Variants in FAM83A observed in about 807,000 individuals in gnomAD.
The protein encoded by FAM83A is protein FAM83A.
FAM83A carries 21 observed loss-of-function variants against 24.4 expected under a neutral mutation model. The ratio of observed to expected loss-of-function variants is 0.86; its 90% CI spans 0.61 to 1.24. The LOEUF (loss-of-function observed/expected upper bound fraction) is 1.24. FAM83A is among the 50% of genes most tolerant of loss of function. The pLI is 0.00. For synonymous variants in FAM83A, 270 were observed against 252.4 expected (o/e 1.07, Z -0.66); for missense variants, 617 against 579.8 (o/e 1.06, Z -0.66).
At chr8:123,207,544 G>A in exon 4 of FAM83A, 1 of 1,555,800 alleles carries the variant, frequency 6.4e-7, no homozygotes, top group South Asian at 1.2e-5. Context: ...ACCTCTCCCC[G>A]CGGCCCCACG....
chr8:123,187,000 C>T (rs926244892), intron 1 of FAM83A, among the ~76,000 whole-genome samples: 8 of 152,056 alleles, frequency 5.3e-5, no homozygotes, highest in African/African-American at 1.7e-4. Flanking sequence ...GGGCAACCCT[C>T]GGTGCCTGGA....
exon 4 of FAM83A, chr8:123,208,080 T>C (rs1336627253): frequency 3.9e-6 from 4 of 1,023,032 alleles, no homozygotes; most frequent in East Asian, 1.8e-4. Flanking sequence ...GAGAGATAGA[T>C]GGTAGTTTGG....
intron 1 of FAM83A, among the ~76,000 whole-genome samples, chr8:123,188,587 G>A (rs868827189): frequency 6.6e-6 from 1 of 151,602 alleles, no homozygotes; most frequent in African/African-American, 2.4e-5. Context: ...AGGTTCAAGC[G>A]ATTCTCCTGC....
chr8:123,200,968 A>T (rs11778508), intron 3 of FAM83A, among the ~76,000 whole-genome samples: 67,243 of 138,656 alleles, frequency 0.48, 16,368 homozygotes, highest in East Asian at 0.53. Flanking sequence ...AAAAAAAAAA[A>T]ATATATATAT....
At position 123,183,431 on chromosome 8, in the gene FAM83A, G is replaced by T. The variant is rs962461257; in HGVS notation, c.480+95G>T. On this transcript the variant is annotated intron_variant, in intron 1 of 3. Transcript: ENST00000690554. ...GGGGGGTGCATTTTGCTCCCAGGGC[G>T]AGAGTCCAGATAATTGGGGCTTCGG... The T allele has an allele frequency of 2.1e-5, 32 of 1,513,174 alleles. No homozygotes were observed. The African/African-American group carries it at 3.5e-4, about 16-fold the overall frequency. 93.7% of individuals were successfully genotyped at this position (1,513,174 alleles called of 1,614,324 possible).
intron 3 of FAM83A, among the ~76,000 whole-genome samples, chr8:123,204,654 T>C (rs1214081873): frequency 2.0e-5 from 3 of 150,922 alleles, no homozygotes; most frequent in Non-Finnish European, 4.4e-5. Context: ...CCCAGCTACT[T>C]GGGAGGCTGA....
chr8:123,182,832 C>G (rs1375973694), exon 1 of FAM83A: 9 of 1,517,244 alleles, frequency 5.9e-6, no homozygotes, highest in Non-Finnish European at 7.9e-6. Context: ...CCAGCCTCCC[C>G]CAGCACCACC....
intron 3 of FAM83A, among the ~76,000 whole-genome samples, chr8:123,194,543 G>A (rs899090679): frequency 6.6e-6 from 1 of 150,396 alleles, no homozygotes; most frequent in Non-Finnish European, 1.5e-5. Flanking sequence ...GAGTGCAGTG[G>A]TGCAATCACA....
intron 3 of FAM83A, chr8:123,202,643 A>T (rs990804083): frequency 6.5e-6 from 1 of 152,688 alleles, no homozygotes; most frequent in Non-Finnish European, 1.5e-5. Context: ...GAATAAAAGC[A>T]CATTGGGTTC....
intron 3 of FAM83A, among the ~76,000 whole-genome samples, chr8:123,204,584 A>AATACAAAAC (rs1476864353): frequency 4.6e-5 from 7 of 150,788 alleles, no homozygotes; most frequent in Non-Finnish European, 1.0e-4. Flanking sequence ...AACATGGTGA[A>AATACAAAAC]ACCCCGTCTC....
exon 4 of FAM83A, chr8:123,208,908 G>A: frequency 1.0e-6 from 1 of 975,442 alleles, no homozygotes; most frequent in Non-Finnish European, 1.2e-6. Flanking sequence ...AGGTTGCAAT[G>A]AGCTGAGATT....
At chr8:123,200,965 AAAAAT>A (rs1335687653) in intron 3 of FAM83A, among the ~76,000 whole-genome samples, 4 of 138,178 alleles carry the variant, frequency 2.9e-5, no homozygotes, top group East Asian at 4.1e-4. Context: ...AACAAAAAAA[AAAAAT>A]ATATATATAT....
intron 1 of FAM83A, among the ~76,000 whole-genome samples, chr8:123,188,422 G>C (rs1259121778): frequency 6.6e-6 from 1 of 151,880 alleles, no homozygotes; most frequent in Admixed American, 6.6e-5. Flanking sequence ...AGGGTTGGAC[G>C]TATCTTTTGA....
At chr8:123,194,297 T>C in intron 3 of FAM83A, 149 bp downstream of exon 3, 2 of 1,160,014 alleles carry the variant, frequency 1.7e-6, no homozygotes, top group Non-Finnish European at 2.4e-6. Context: ...ATCACATAGA[T>C]GGGGTGAGAG....
Position 123,209,965 on chromosome 8 carries a change from A to G in FAM83A, c.*2277A>G, listed in dbSNP as rs866173083. 1 of 189,280 alleles carries G rather than the reference A, an allele frequency of 5.3e-6. No homozygotes were observed. Among genetic ancestry groups the G allele is most frequent in the African/African-American group, 2.3e-5 (1 of 43,064 alleles). 11.7% of individuals were successfully genotyped at this position (189,280 alleles called of 1,614,324 possible). A position where few individuals can be genotyped will look rare whatever the true frequency, so the allele number is the denominator to read the frequency against. ...ACATAGAAGCAGCTCTCCAGTTGAAACCCTCCTCTGCCAGCCTGGGGTCCT... is the reference window on the plus strand; with the variant it reads ...ACATAGAAGCAGCTCTCCAGTTGAAGCCCTCCTCTGCCAGCCTGGGGTCCT... On this transcript the variant is annotated 3_prime_UTR_variant, in exon 4 of 4. Transcript: ENST00000690554. This position sits in a 1 kb window ranked among gnomAD's most constrained non-coding sequence, Gnocchi z 4.7.
intron 1 of FAM83A, among the ~76,000 whole-genome samples, chr8:123,185,287 A>G (rs907211725): frequency 9.2e-5 from 14 of 152,130 alleles, no homozygotes; most frequent in Non-Finnish European, 1.8e-4. Flanking sequence ...GTCTTTCCGC[A>G]TGAAGTTCAG....
intron 3 of FAM83A, among the ~76,000 whole-genome samples, chr8:123,197,051 C>G (rs1320995965): frequency 6.6e-6 from 1 of 152,208 alleles, no homozygotes; most frequent in Non-Finnish European, 1.5e-5. Context: ...AGATCACCCA[C>G]CAGTGGATGA....
chr8:123,182,527 C>T (rs1374298378), upstream of FAM83A: 9 of 528,642 alleles, frequency 1.7e-5, no homozygotes, highest in Non-Finnish European at 3.3e-5. Context: ...GCCGGCTCAC[C>T]TTCGCCTCCC....
exon 4 of FAM83A, chr8:123,208,113 G>C: frequency 1.0e-6 from 1 of 1,004,784 alleles, no homozygotes; most frequent in Non-Finnish European, 1.2e-6. Context: ...CCAGTGCCCA[G>C]GAATGGTCCA....
Sources: allele counts gnomAD v4.1 joint callset (sites outside exome capture counted in the v4.1 genomes callset), GRCh38; gene constraint gnomAD v4.1.1; non-coding constraint Gnocchi (gnomAD v3.1); transcripts MANE v1.5; gene names NCBI Gene and HGNC (gene_info 2026-07-23, HGNC 2026-07-21).